The following THSD7B variants were observed in gnomAD, a reference collection of about 807,000 sequenced individuals.
THSD7B encodes the protein thrombospondin type-1 domain-containing protein 7B.
Under a neutral mutation model 213.6 loss-of-function variants are expected in THSD7B, and 138 were observed. The observed-to-expected ratio is 0.65, with a 90% CI of 0.56 to 0.74. The LOEUF is 0.74. Among genes scored for constraint, THSD7B ranks in the 30% least tolerant of loss-of-function variants. The pLI is 0.00. For missense variants in THSD7B, 1,931 were observed against 1,991.5 expected, an observed-to-expected ratio of 0.97 and a Z score of 0.58; for synonymous variants, 742 against 687.0, an observed-to-expected ratio of 1.08 and a Z score of -1.25.
At chr2:136,952,688 A>G (rs557758965) in intron 2 of THSD7B, among the ~76,000 whole-genome samples, 2 of 152,054 alleles carry the variant, frequency 1.3e-5, no homozygotes, top group Admixed American at 1.3e-4. Context: ...TAAAATTTCT[A>G]TTGTGTTTTA....
intron 17 of THSD7B, among the ~76,000 whole-genome samples, chr2:137,577,601 A>C (rs1370542434): frequency 6.6e-6 from 1 of 152,072 alleles, no homozygotes; most frequent in Non-Finnish European, 1.5e-5. Flanking sequence ...ATCCTGCTTC[A>C]ACAATTATCT....
At chr2:137,047,234 T>G (rs1686988240) in intron 2 of THSD7B, among the ~76,000 whole-genome samples, 1 of 151,968 alleles carries the variant, frequency 6.6e-6, no homozygotes, top group Non-Finnish European at 1.5e-5. Flanking sequence ...TGGGGCAGAG[T>G]GAAATAATGT....
chr2:136,781,256 T>G (rs1174942815), intron 1 of THSD7B, among the ~76,000 whole-genome samples: 1 of 149,252 alleles, frequency 6.7e-6, no homozygotes, highest in African/African-American at 2.5e-5. Context: ...TTTTGACTAC[T>G]TACCAGTTCT....
At chr2:137,237,185 G>A (rs1164704871) in intron 9 of THSD7B, among the ~76,000 whole-genome samples, 1 of 151,372 alleles carries the variant, frequency 6.6e-6, no homozygotes, top group Non-Finnish European at 1.5e-5. Context: ...ACATTCCAGT[G>A]CAAGTCCAGG....
At chr2:137,603,283 A>C (rs573425177) in intron 17 of THSD7B, among the ~76,000 whole-genome samples, 2 of 152,336 alleles carry the variant, frequency 1.3e-5, no homozygotes, top group Non-Finnish European at 2.9e-5. Context: ...GGTAAATCTG[A>C]GTGAAGAGAC....
At position 137,412,613 on chromosome 2, in the gene THSD7B, AAAAAAAAC is replaced by A. The variant is rs1558788988; in HGVS notation, c.2959+748_2959+755del. ...ACTCTGTCTCAAAAAAAAAAAAACA[AAAAAAAAC>A]AAAAAACAGTTTTACTATATAAAGT... On this transcript the variant is annotated intron_variant, in intron 14 of 27. Coordinates refer to ENST00000409968, the MANE Select transcript of THSD7B (RefSeq NM_001316349.2). 6.1e-5 allele frequency among the ~76,000 whole-genome samples: 9 copies of A among 148,560 alleles called. 1 individual carries two copies. The East Asian group carries it at 1.2e-3, about 19-fold the overall frequency.
In THSD7B at chr2:137,616,313, A is replaced by T. The variant is rs1682385946; in HGVS notation, c.3562A>T (p.Thr1188Ser). 11 of 1,612,786 alleles carry T rather than the reference A, an allele frequency of 6.8e-6. No individual in the cohort carries two copies. The highest frequency in any genetic ancestry group is 9.3e-6 in the Non-Finnish European group (11 of 1,179,394). Residue 1188 changes from threonine (T) to serine (S), a missense_variant, in exon 18 of 28, where the codon ACA (threonine) becomes TCA (serine). Physicochemically the swap from Thr to Ser is moderately conservative, Grantham distance 58. Transcript: ENST00000409968. ...TTGCTTCCAGTTCCAGTACAATCTA[A>T]CAGGTACAGTTAAAATCTATGACCT... Reference protein sequence around the residue: ...ENCFQFQYNLTEWSTCQLSEN... With the variant: ...ENCFQFQYNLSEWSTCQLSEN...
In THSD7B at chr2:136,886,163, C is replaced by T. The variant is rs57852964; in HGVS notation, c.139+3846C>T. Reference sequence around the variant, plus strand: ...ATGGGAGCTCAGGTGAGACGGGTAACGGGGTCCACATGGGGTATGTCCTCA... The same window carrying T: ...ATGGGAGCTCAGGTGAGACGGGTAATGGGGTCCACATGGGGTATGTCCTCA... On this transcript the variant is annotated intron_variant, in intron 2 of 27. Transcript: ENST00000409968. Among the ~76,000 whole-genome samples the T allele has an allele frequency of 9.5e-3, 1,445 of 152,136 alleles. 26 individuals are homozygous for T. The highest frequency in any genetic ancestry group is 0.033 in the African/African-American group (1,353 of 41,508).
At chr2:137,489,081 CAAAT>C (rs1386525099) in intron 15 of THSD7B, among the ~76,000 whole-genome samples, 1 of 152,100 alleles carries the variant, frequency 6.6e-6, no homozygotes, top group Non-Finnish European at 1.5e-5. Context: ...GTTATGCTAA[CAAAT>C]AGAAATGACA....
chr2:137,189,776 T>C (rs34144720), intron 7 of THSD7B, among the ~76,000 whole-genome samples: 7,021 of 152,140 alleles, frequency 0.046, 199 homozygotes, highest in Admixed American at 0.069. Context: ...CACAGACGGC[T>C]CCCTTCTCTC....
chr2:137,196,695 A>G (rs1248009850), intron 7 of THSD7B, among the ~76,000 whole-genome samples: 1 of 152,164 alleles, frequency 6.6e-6, no homozygotes, highest in Non-Finnish European at 1.5e-5. Context: ...TTTCATGTAC[A>G]AAATTATTAA....
intron 7 of THSD7B, among the ~76,000 whole-genome samples, chr2:137,206,567 T>C (rs1356345894): frequency 6.6e-6 from 1 of 151,942 alleles, no homozygotes; most frequent in East Asian, 1.9e-4. Context: ...TTAAAAGAGA[T>C]CCCCAGGTGA....
intron 4 of THSD7B, among the ~76,000 whole-genome samples, chr2:137,110,971 G>T (rs139062035): frequency 4.6e-5 from 7 of 152,244 alleles, no homozygotes; most frequent in African/African-American, 7.2e-5. Context: ...ATATAGCCTA[G>T]GTATGTAGTA....
intron 15 of THSD7B, among the ~76,000 whole-genome samples, chr2:137,489,492 A>T (rs1397826125): frequency 6.6e-6 from 1 of 151,546 alleles, no homozygotes; most frequent in Non-Finnish European, 1.5e-5. Context: ...CGAGTTAATT[A>T]AGTTTTTTTC....
intron 16 of THSD7B, 126 bp downstream of exon 16, chr2:137,563,480 A>C: frequency 4.0e-6 from 5 of 1,250,130 alleles, no homozygotes; most frequent in Non-Finnish European, 5.5e-6. Context: ...GTTTTTTCTC[A>C]TCTTTGAAAT....
intron 2 of THSD7B, among the ~76,000 whole-genome samples, chr2:137,049,986 G>T (rs1011566480): frequency 6.6e-6 from 1 of 152,176 alleles, no homozygotes; most frequent in Non-Finnish European, 1.5e-5. Flanking sequence ...TCACTGGATT[G>T]GGTGTGTGTA....
chr2:137,025,514 G>C (rs1686535261), intron 2 of THSD7B, among the ~76,000 whole-genome samples: 1 of 152,094 alleles, frequency 6.6e-6, no homozygotes, highest in Non-Finnish European at 1.5e-5. Context: ...TCCCCAAATA[G>C]TATACTAATA....
rs1052053678 is a variant in THSD7B, at chr2:137,226,651, T to G, written c.1724-4393T>G. Among the ~76,000 whole-genome samples the G allele has an allele frequency of 2.6e-5, 4 of 151,748 alleles. 1 individual carries two copies. Among genetic ancestry groups the G allele is most frequent in the African/African-American group, 9.7e-5 (4 of 41,394 alleles). On this transcript the variant is annotated intron_variant, in intron 7 of 27. Coordinates refer to ENST00000409968, the MANE Select transcript of THSD7B (RefSeq NM_001316349.2). ...TAGTGTGAACTGTAGCCAGAGCCTA[T>G]TCATCTGGCTATCTATGCCACAGCC... is the stretch of plus-strand genomic sequence containing the variant.
At chr2:137,587,837 G>A (rs554157608) in intron 17 of THSD7B, among the ~76,000 whole-genome samples, 42 of 152,312 alleles carry the variant, frequency 2.8e-4, no homozygotes, top group African/African-American at 8.9e-4. Flanking sequence ...ACTCCATGCT[G>A]GGAGAACCAC....
Sources: allele counts gnomAD v4.1 joint callset (sites outside exome capture counted in the v4.1 genomes callset), GRCh38; gene constraint gnomAD v4.1.1; transcripts MANE v1.5; gene names NCBI Gene and HGNC (gene_info 2026-07-23, HGNC 2026-07-21).